Variants in TBC1D12 observed in about 807,000 individuals in gnomAD.
TBC1D12 encodes TBC1 domain family, member 12.
In TBC1D12, 56 loss-of-function variants were observed where a neutral mutation model predicts 86.7. That is an observed-to-expected ratio of 0.65 (90% CI 0.52 to 0.81). TBC1D12 has a LOEUF of 0.81. TBC1D12 is among the 30% of genes least tolerant of loss of function. The pLI is 0.00. For synonymous variants in TBC1D12, 421 were observed against 411.7 expected (o/e 1.02, Z -0.27); for missense variants, 1,023 against 1,038.8 (o/e 0.98, Z 0.21).
At position 94,486,136 on chromosome 10, in the gene TBC1D12, C is replaced by CTTTTTTTTTTTTTTTTT. The variant is rs760373766; in HGVS notation, c.1212-7227_1212-7226insTTTTTTTTTTTTTTTTT. On this transcript the variant is annotated intron_variant, in intron 3 of 12. Coordinates refer to ENST00000225235, the MANE Select transcript of TBC1D12 (RefSeq NM_015188.2). ...GCTCTTTTTCTTTTTTCTTCTTCTTCTTCTTTTTTTTTTTTTTTTTTGTTA... is the reference window on the plus strand; with the variant it reads ...GCTCTTTTTCTTTTTTCTTCTTCTTCTTTTTTTTTTTTTTTTTTTCTTTTTTTTTTTTTTTTTTGTTA... Among the ~76,000 whole-genome samples the CTTTTTTTTTTTTTTTTT allele has an allele frequency of 1.5e-3, 187 of 120,834 alleles. 1 individual carries two copies. Among genetic ancestry groups the CTTTTTTTTTTTTTTTTT allele is most frequent in the Non-Finnish European group, 1.7e-3 (102 of 58,870 alleles). The allele number at this position is 120,834 out of a possible 152,430, so 79.3% of individuals were successfully genotyped here.
chr10:94,443,700 GCAT>G (rs1214091638), intron 2 of TBC1D12, among the ~76,000 whole-genome samples: 1 of 152,104 alleles, frequency 6.6e-6, no homozygotes, highest in Non-Finnish European at 1.5e-5. Flanking sequence ...CTTTTCTGTG[GCAT>G]CATATCTTTG....
chr10:94,465,768 G>GTATACGCATACATACA (rs1554941271), intron 2 of TBC1D12, among the ~76,000 whole-genome samples: 32 of 148,328 alleles, frequency 2.2e-4, no homozygotes, highest in Non-Finnish European at 2.4e-4. Context: ...ACATACATAC[G>GTATACGCATACATACA]TATACGCATA....
chr10:94,453,227 T>C (rs2134108162), intron 2 of TBC1D12, among the ~76,000 whole-genome samples: 1 of 152,318 alleles, frequency 6.6e-6, no homozygotes, highest in East Asian at 1.9e-4. Context: ...GCTTGTCTTT[T>C]CACAGAGCAG....
chr10:94,452,861 A>T (rs1280842847), intron 2 of TBC1D12, among the ~76,000 whole-genome samples: 1 of 152,202 alleles, frequency 6.6e-6, no homozygotes, highest in Non-Finnish European at 1.5e-5. Context: ...GTAGCAAGAT[A>T]TCTTCCAAAG....
intron 3 of TBC1D12, among the ~76,000 whole-genome samples, chr10:94,483,326 A>T (rs1004196059): frequency 6.6e-6 from 1 of 152,080 alleles, no homozygotes; most frequent in East Asian, 1.9e-4. Context: ...TAGTTTTTTT[A>T]GGAACCTCCA....
intron 3 of TBC1D12, among the ~76,000 whole-genome samples, chr10:94,487,901 T>C (rs986630074): frequency 6.6e-6 from 1 of 151,654 alleles, no homozygotes; most frequent in Non-Finnish European, 1.5e-5. Context: ...GAAGTCTTGC[T>C]GTGTTGCCCA....
chr10:94,525,457 C>A (rs940959408), intron 11 of TBC1D12, among the ~76,000 whole-genome samples: 1 of 151,884 alleles, frequency 6.6e-6, no homozygotes, highest in African/African-American at 2.4e-5. Context: ...ACTAAAAATA[C>A]GCCGGATGTG....
At chr10:94,450,608 G>T (rs77208533) in intron 2 of TBC1D12, among the ~76,000 whole-genome samples, 3 of 152,026 alleles carry the variant, frequency 2.0e-5, no homozygotes, top group Non-Finnish European at 2.9e-5. Context: ...ATTCTGGAGG[G>T]ATTATAGGAG....
At chr10:94,493,525 T>C in intron 4 of TBC1D12, 78 bp downstream of exon 4, 1 of 1,037,510 alleles carries the variant, frequency 9.6e-7, no homozygotes, top group Non-Finnish European at 1.5e-6. Flanking sequence ...CAAGTCTGTC[T>C]TCAAGATGAT....
intron 2 of TBC1D12, among the ~76,000 whole-genome samples, chr10:94,461,643 CT>C (rs757002103): frequency 1.4e-4 from 21 of 152,096 alleles, no homozygotes; most frequent in Non-Finnish European, 1.6e-4. Context: ...TGCCTACCCC[CT>C]GGAGTTCTAA....
chr10:94,489,513 T>C (rs997738568), intron 3 of TBC1D12, among the ~76,000 whole-genome samples: 5 of 152,238 alleles, frequency 3.3e-5, no homozygotes, highest in Non-Finnish European at 5.9e-5. Flanking sequence ...TGAAGGTGCT[T>C]ATTTGTGTGC....
intron 1 of TBC1D12, among the ~76,000 whole-genome samples, chr10:94,435,663 G>A (rs1350944455): frequency 1.3e-5 from 2 of 152,204 alleles, no homozygotes; most frequent in East Asian, 3.9e-4. Context: ...TGTTTATAGT[G>A]CTCTTTGAAC....
chr10:94,493,247 T>A, intron 3 of TBC1D12, 118 bp from the exon 4 acceptor site: 1 of 737,602 alleles, frequency 1.4e-6, no homozygotes, highest in Non-Finnish European at 2.3e-6. Flanking sequence ...ACTTCCTTAA[T>A]GTATGAAATG....
chr10:94,402,950 T>A lies in TBC1D12; in HGVS notation c.337T>A (p.Ser113Thr). The change falls in exon 1 of 13, where the codon TCG (serine) becomes ACG (threonine). Residue 113 changes from serine to threonine, a missense_variant. Physicochemically the swap from Ser to Thr is moderately conservative, Grantham distance 58. Transcript: ENST00000225235. ...APRSDACLLG[S>T]GSKHRGAEVA... ...ACGATCGGACGCCTGCCTGCTGGGC[T>A]CGGGCTCCAAACACCGCGGCGCGGA... 6.4e-7 allele frequency: 1 copy of A among 1,567,412 alleles called. No homozygotes were observed. The highest frequency in any genetic ancestry group is 1.4e-5 in the African/African-American group (1 of 70,752).
chr10:94,469,236 G>A (rs1266437758), intron 2 of TBC1D12, among the ~76,000 whole-genome samples: 2 of 152,102 alleles, frequency 1.3e-5, no homozygotes, highest in African/African-American at 4.8e-5. Flanking sequence ...TGTATTCCCA[G>A]TGATGACTTT....
intron 3 of TBC1D12, among the ~76,000 whole-genome samples, chr10:94,478,010 G>C (rs1306627550): frequency 6.6e-6 from 1 of 152,198 alleles, no homozygotes; most frequent in Non-Finnish European, 1.5e-5. Context: ...GCTAGGCATG[G>C]TGGCTCACAT....
At chr10:94,447,078 C>G (rs909191163) in intron 2 of TBC1D12, among the ~76,000 whole-genome samples, 3 of 146,674 alleles carry the variant, frequency 2.0e-5, no homozygotes, top group Non-Finnish European at 4.5e-5. Flanking sequence ...AAAAAAAAAC[C>G]TTTTTTATGT....
intron 3 of TBC1D12, among the ~76,000 whole-genome samples, chr10:94,475,203 C>T (rs2134147053): frequency 6.6e-6 from 1 of 152,322 alleles, no homozygotes; most frequent in African/African-American, 2.4e-5. Context: ...GCTCCTCCAT[C>T]TTAACATGAT....
chr10:94,514,234 G>A (rs1374351330), intron 9 of TBC1D12, among the ~76,000 whole-genome samples: 2 of 152,050 alleles, frequency 1.3e-5, no homozygotes, highest in Non-Finnish European at 2.9e-5. Flanking sequence ...AATTAGCCAG[G>A]TGTGGTGGTG....
Sources: gnomAD v4.1 joint callset for allele counts (sites outside exome capture counted in the v4.1 genomes callset) on GRCh38, gnomAD v4.1.1 for gene constraint, MANE v1.5 for transcripts, NCBI Gene and HGNC (gene_info 2026-07-23, HGNC 2026-07-21) for gene names.